Variants in ARHGAP10 observed in about 807,000 individuals in gnomAD.
The protein encoded by ARHGAP10 is rho GTPase-activating protein 10.
Under a neutral mutation model 108.6 loss-of-function variants are expected in ARHGAP10, and 87 were observed. The ratio of observed to expected loss-of-function variants is 0.80; its 90% CI spans 0.67 to 0.96. The LOEUF is 0.96. ARHGAP10 is among the 40% of genes least tolerant of loss of function. ARHGAP10 has a pLI of 0.00. For missense variants in ARHGAP10, 939 were observed against 954.5 expected (o/e 0.98, Z 0.21); for synonymous variants, 347 against 341.1 (o/e 1.02, Z -0.19).
chr4:147,875,904 C>T (rs1735039809), intron 8 of ARHGAP10, among the ~76,000 whole-genome samples: 2 of 152,238 alleles, frequency 1.3e-5, no homozygotes, highest in South Asian at 4.1e-4. Context: ...GTCAACTGTA[C>T]AACCCAATTG....
chr4:148,045,198 T>C (rs1350844664), intron 19 of ARHGAP10, among the ~76,000 whole-genome samples: 1 of 151,970 alleles, frequency 6.6e-6, no homozygotes, highest in Non-Finnish European at 1.5e-5. Context: ...CCTCCAGGGG[T>C]CCCCCTCAAT....
At chr4:148,007,201 G>A (rs890131536) in intron 18 of ARHGAP10, among the ~76,000 whole-genome samples, 4 of 152,210 alleles carry the variant, frequency 2.6e-5, no homozygotes, top group South Asian at 2.1e-4. Flanking sequence ...AACCTTTTTT[G>A]TGTACTTACT....
chr4:147,750,447 ATAATC>A (rs1355640988), intron 1 of ARHGAP10, among the ~76,000 whole-genome samples: 2 of 152,226 alleles, frequency 1.3e-5, no homozygotes, highest in Non-Finnish European at 2.9e-5. Flanking sequence ...TTGTGTGTGC[ATAATC>A]TAATCGTAGT....
chr4:147,826,006 A>C (rs1732693732), intron 3 of ARHGAP10, among the ~76,000 whole-genome samples: 1 of 152,188 alleles, frequency 6.6e-6, no homozygotes, highest in African/African-American at 2.4e-5. Context: ...GCTACAAAAC[A>C]ATACAGGGCA....
At chr4:148,046,690 C>T (rs1728899768) in intron 19 of ARHGAP10, among the ~76,000 whole-genome samples, 1 of 151,888 alleles carries the variant, frequency 6.6e-6, no homozygotes. Context: ...GAAAACATTC[C>T]TCGCTGTGTA....
chr4:147,916,399 A>C (rs374184768), intron 13 of ARHGAP10: 89 of 152,336 alleles, frequency 5.8e-4, no homozygotes, highest in African/African-American at 2.1e-3. Flanking sequence ...TCTATTCAGT[A>C]TGTGTATGAC....
intron 1 of ARHGAP10, among the ~76,000 whole-genome samples, chr4:147,773,708 A>G (rs949009578): frequency 6.6e-6 from 1 of 152,208 alleles, no homozygotes; most frequent in Non-Finnish European, 1.5e-5. Context: ...CAAAAGCCTT[A>G]AAGTGGAATG....
chr4:147,916,218 AC>A (rs1157361567), intron 13 of ARHGAP10, among the ~76,000 whole-genome samples: 1 of 152,176 alleles, frequency 6.6e-6, no homozygotes, highest in Non-Finnish European at 1.5e-5. Context: ...TTATCTAAAA[AC>A]TAGTATTTCA....
chr4:148,063,609 C>T (rs1177017217), intron 21 of ARHGAP10, among the ~76,000 whole-genome samples: 1 of 152,186 alleles, frequency 6.6e-6, no homozygotes, highest in Non-Finnish European at 1.5e-5. Flanking sequence ...GAGTATAAAG[C>T]ACATTCTTCG....
At chr4:148,052,412 T>TTG (rs1729186218) in intron 20 of ARHGAP10, among the ~76,000 whole-genome samples, 1 of 143,794 alleles carries the variant, frequency 7.0e-6, no homozygotes, top group African/African-American at 2.7e-5. Flanking sequence ...TTTTTTTTTT[T>TTG]GGGCTAATTG....
chr4:147,842,225 C>G (rs1733442149), intron 3 of ARHGAP10, among the ~76,000 whole-genome samples: 1 of 152,128 alleles, frequency 6.6e-6, no homozygotes. Context: ...TGTGAGCCAC[C>G]ATGCCTGGCC....
chr4:147,812,769 C>T (rs1282377330), intron 1 of ARHGAP10, among the ~76,000 whole-genome samples: 1 of 152,088 alleles, frequency 6.6e-6, no homozygotes, highest in Non-Finnish European at 1.5e-5. Context: ...AGAACTGAAC[C>T]CAGGACCCAA....
Position 148,046,983 on chromosome 4 carries a change from GC to G in ARHGAP10, c.1961del (p.Pro654LeufsTer49). On this transcript the variant is annotated frameshift_variant, in exon 20 of 23. Coordinates refer to ENST00000336498, the MANE Select transcript of ARHGAP10 (RefSeq NM_024605.4). LOFTEE classifies it high-confidence loss of function. ...PSPVTTAVPG[P>X]PGPDKNHLLA... ...CTCCCGTGACTACAGCTGTCCCTGGGCCTCCTGGACCAGACAAAAACCACCT... is the reference window on the plus strand; with the variant it reads ...CTCCCGTGACTACAGCTGTCCCTGGGCTCCTGGACCAGACAAAAACCACCT... 1 of 1,614,136 alleles carries G rather than the reference GC, an allele frequency of 6.2e-7. No individual in the cohort carries two copies. The highest frequency in any genetic ancestry group is 8.5e-7 in the Non-Finnish European group (1 of 1,180,014).
intron 19 of ARHGAP10, among the ~76,000 whole-genome samples, chr4:148,038,366 G>T (rs1480939996): frequency 6.6e-6 from 1 of 152,130 alleles, no homozygotes; most frequent in African/African-American, 2.4e-5. Context: ...TTTTAAACAG[G>T]CTTATACTAA....
intron 1 of ARHGAP10, among the ~76,000 whole-genome samples, chr4:147,765,368 A>G (rs17579029): frequency 7.0e-6 from 1 of 143,130 alleles, no homozygotes; most frequent in Non-Finnish European, 1.5e-5. Context: ...GTGTATTTCA[A>G]TGTGCCACGC....
Position 147,742,606 on chromosome 4 carries a change from C to A in ARHGAP10, c.154+10151C>A, listed in dbSNP as rs549822785. On this transcript the variant is annotated intron_variant, in intron 1 of 22. Transcript: ENST00000336498. ...TCAAGCGATTCTCCTGCCCCAGCAT[C>A]CCGAGTAGCTGGGATTATAGGCACC... 2.7e-5 allele frequency among the ~76,000 whole-genome samples: 4 copies of A among 149,310 alleles called. No individual in the cohort carries two copies. The South Asian group carries it at 8.5e-4, about 32-fold the overall frequency.
At chr4:147,769,275 G>A (rs935498074) in intron 1 of ARHGAP10, among the ~76,000 whole-genome samples, 1 of 152,108 alleles carries the variant, frequency 6.6e-6, no homozygotes, top group Non-Finnish European at 1.5e-5. Context: ...TACCACCAAT[G>A]AAGGTAATTA....
chr4:148,007,301 A>G (rs924076132), intron 18 of ARHGAP10, among the ~76,000 whole-genome samples: 7 of 152,220 alleles, frequency 4.6e-5, no homozygotes, highest in African/African-American at 1.7e-4. Flanking sequence ...CCTCCCTGAA[A>G]TGATCAGGGC....
intron 14 of ARHGAP10, among the ~76,000 whole-genome samples, chr4:147,945,510 C>T (rs1278958646): frequency 6.6e-6 from 1 of 152,054 alleles, no homozygotes; most frequent in Non-Finnish European, 1.5e-5. Flanking sequence ...TAAATATTTC[C>T]CGGATGACTA....
Sources: allele counts gnomAD v4.1 joint callset (sites outside exome capture counted in the v4.1 genomes callset), GRCh38; gene constraint gnomAD v4.1.1; transcripts MANE v1.5; gene names NCBI Gene and HGNC (gene_info 2026-07-23, HGNC 2026-07-21).